The following NOD1 variants were observed in gnomAD, a reference collection of about 807,000 sequenced individuals.
NOD1 encodes nucleotide-binding oligomerization domain-containing protein 1.
A neutral mutation model predicts 81.2 loss-of-function variants in NOD1; 70 were observed. The ratio of observed to expected loss-of-function variants is 0.86; its 90% CI spans 0.71 to 1.05. NOD1 has a LOEUF of 1.05. NOD1 is among the 50% of genes least tolerant of loss of function. The pLI is 0.00. For synonymous variants in NOD1, 508 were observed against 526.9 expected (o/e 0.96, Z 0.49); for missense variants, 1,233 against 1,228.0 (o/e 1.00, Z -0.06).
chr7:30,455,970 C>T (rs995665516), intron 4 of NOD1, among the ~76,000 whole-genome samples: 28 of 152,192 alleles, frequency 1.8e-4, no homozygotes, highest in Admixed American at 1.5e-3. Flanking sequence ...GAGAACCACC[C>T]CTTGGGCATA....
At chr7:30,429,924 G>C (rs957261629) in intron 12 of NOD1, among the ~76,000 whole-genome samples, 8 of 152,216 alleles carry the variant, frequency 5.3e-5, no homozygotes, top group African/African-American at 1.9e-4. Context: ...GGGAGACTGA[G>C]GTAGGAGAAT....
intron 12 of NOD1, 85 bp from the exon 13 acceptor site, chr7:30,429,542 G>C: frequency 8.4e-7 from 1 of 1,190,406 alleles, no homozygotes; most frequent in East Asian, 2.3e-5. Flanking sequence ...GGGTGTTTTG[G>C]GATAAGAGAC....
At position 30,469,187 on chromosome 7, in the gene NOD1, T is replaced by C. The variant is rs530223774; in HGVS notation, c.-351-9146A>G. On this transcript the variant is annotated intron_variant, in intron 1 of 13. Coordinates refer to ENST00000222823, the MANE Select transcript of NOD1 (RefSeq NM_006092.4). ...TTAACCTGGAAAACAAGCCCGGTCATGTGGGCCTCTGCCATGCCAGAACAC... is the reference window on the plus strand; with the variant it reads ...TTAACCTGGAAAACAAGCCCGGTCACGTGGGCCTCTGCCATGCCAGAACAC... 3 of 985,452 alleles carry C rather than the reference T, an allele frequency of 3.0e-6. No homozygotes were observed. The East Asian group carries it at 3.4e-4, about 112-fold the overall frequency. The allele number at this position is 985,452 out of a possible 1,614,324, so 61.0% of individuals were successfully genotyped here. A position where few individuals can be genotyped will look rare whatever the true frequency, so the allele number is the denominator to read the frequency against.
Position 30,435,936 on chromosome 7 carries a change from C to T in NOD1, c.2621+62G>A, listed in dbSNP as rs142285400. On this transcript the variant is annotated intron_variant, in intron 11 of 13. Coordinates refer to ENST00000222823, the MANE Select transcript of NOD1 (RefSeq NM_006092.4). ...TCACACCAATGCACTCAAGCCTGGA[C>T]GACAAAGCAAGACCCTATCACAGAA... The T allele has an allele frequency of 5.6e-4, 778 of 1,400,456 alleles. 6 individuals are homozygous for T. The African/African-American group carries it at 9.5e-3, about 17-fold the overall frequency. 86.8% of individuals were successfully genotyped at this position (1,400,456 alleles called of 1,614,324 possible). A position where few individuals can be genotyped will look rare whatever the true frequency, so the allele number is the denominator to read the frequency against.
Position 30,451,905 on chromosome 7 carries a change from C to T in NOD1, c.1512G>A (p.Leu504=). Reference sequence around the variant, plus strand: ...AGGACTGCTGGTCACCCCCGGGGCCCAGCTCCGGCAAAGCCCGCAGGAAGC... The same window carrying T: ...AGGACTGCTGGTCACCCCCGGGGCCTAGCTCCGGCAAAGCCCGCAGGAAGC... ...QLGFLRALPE[L]GPGGDQQSYE... The change falls in exon 6 of 14, where the codon CTG becomes CTA. Residue 504 remains leucine, a synonymous_variant. Transcript: ENST00000222823. The surrounding 1 kb of genome is among the most constrained non-coding windows in gnomAD (Gnocchi z 4.2). The T allele has an allele frequency of 6.2e-7, 1 of 1,613,598 alleles. No homozygotes were observed. Among genetic ancestry groups the T allele is most frequent in the Non-Finnish European group, 8.5e-7 (1 of 1,180,002 alleles).
Position 30,452,366 on chromosome 7 carries a change from C to T in NOD1, c.1051G>A (p.Gly351Ser), listed in dbSNP as rs1318966832. 1.9e-6 allele frequency: 3 copies of T among 1,613,194 alleles called. No homozygotes were observed. Among genetic ancestry groups the T allele is most frequent in the African/African-American group, 2.7e-5 (2 of 74,932 alleles). The change falls in exon 6 of 14, where the codon GGC becomes AGC. Residue 351 changes from glycine to serine, a missense_variant. Gly to Ser is a moderately conservative substitution (Grantham distance 56). Coordinates refer to ENST00000222823, the MANE Select transcript of NOD1 (RefSeq NM_006092.4). ...GCGCGCAGGTGGCTGGGGGAGAAGC[C>T]CCGGAGAAGCACCTTCTTCCGCAGG... is the stretch of plus-strand genomic sequence containing the variant. ...QFLRKKVLLR[G>S]FSPSHLRAYA...
At chr7:30,445,942 A>AG (rs1319880784) in intron 9 of NOD1, among the ~76,000 whole-genome samples, 199 bp downstream of exon 9, 4 of 152,008 alleles carry the variant, frequency 2.6e-5, no homozygotes, top group African/African-American at 7.2e-5. Flanking sequence ...TGCAAGAGGC[A>AG]GGGGGGAGGG....
chr7:30,425,553 A>T lies in NOD1; in HGVS notation c.*85T>A. On this transcript the variant is annotated 3_prime_UTR_variant, in exon 14 of 14. Coordinates refer to ENST00000222823, the MANE Select transcript of NOD1 (RefSeq NM_006092.4). Reference sequence around the variant, plus strand: ...TAGTCCCGCCTGCGCAGGCCCCTTTAAGACACTGACACAAAAGACTGCCCA... The same window carrying T: ...TAGTCCCGCCTGCGCAGGCCCCTTTTAGACACTGACACAAAAGACTGCCCA... 1 of 978,046 alleles carries T rather than the reference A, an allele frequency of 1.0e-6. No homozygotes were observed. Among genetic ancestry groups the T allele is most frequent in the East Asian group, 2.4e-5 (1 of 42,004 alleles). 60.6% of individuals were successfully genotyped at this position (978,046 alleles called of 1,614,324 possible).
rs2128070247 is a variant in NOD1, at chr7:30,456,947, T to C, written c.-26A>G. The C allele has an allele frequency of 6.2e-7, 1 of 1,601,712 alleles. No homozygotes were observed. Among genetic ancestry groups the C allele is most frequent in the Non-Finnish European group, 8.6e-7 (1 of 1,168,724 alleles). ...AGTTAAAGTAGCAAGCGGCTACTTT[T>C]CCCAAATTCATCTTCAGCTGCGTGT... On this transcript the variant is annotated 5_prime_UTR_variant, in exon 4 of 14. Transcript: ENST00000222823.
rs1164607490 is a variant in NOD1 at position 30,435,987 on chromosome 7, C to T, written c.2621+11G>A. The T allele has an allele frequency of 4.4e-6, 7 of 1,606,064 alleles. No homozygotes were observed. The highest frequency in any genetic ancestry group is 3.3e-5 in the Admixed American group (2 of 59,978). On this transcript the variant is annotated intron_variant, in intron 11 of 13. Coordinates refer to ENST00000222823, the MANE Select transcript of NOD1 (RefSeq NM_006092.4). Reference sequence around the variant, plus strand: ...AAACAAACAAACAAATGAAATGACTCGAGCTATTACCACAGTATTTCTAGA... The same window carrying T: ...AAACAAACAAACAAATGAAATGACTTGAGCTATTACCACAGTATTTCTAGA...
chr7:30,432,994 T>C (rs1784072675), intron 12 of NOD1, 102 bp downstream of exon 12: 1 of 866,252 alleles, frequency 1.2e-6, no homozygotes, highest in Non-Finnish European at 1.8e-6. Context: ...AACCTCTGAA[T>C]TGTATACTTT....
chr7:30,477,586 C>T (rs894216203), intron 1 of NOD1, among the ~76,000 whole-genome samples: 2 of 152,178 alleles, frequency 1.3e-5, no homozygotes, highest in Non-Finnish European at 2.9e-5. Context: ...GCGATCTCGG[C>T]TCACTGCAAC....
chr7:30,436,976 A>G (rs1784431426), intron 10 of NOD1, among the ~76,000 whole-genome samples: 1 of 152,236 alleles, frequency 6.6e-6, no homozygotes, highest in South Asian at 2.1e-4. Flanking sequence ...AACCAACCCA[A>G]ATGCCCATCA....
At chr7:30,432,950 T>C (rs895215492) in intron 12 of NOD1, 146 bp downstream of exon 12, 1 of 637,840 alleles carries the variant, frequency 1.6e-6, no homozygotes, top group Non-Finnish European at 2.7e-6. Context: ...GGAGTGAAAA[T>C]GTTCTAGAAT....
At chr7:30,430,489 C>G (rs1442906876) in intron 12 of NOD1, among the ~76,000 whole-genome samples, 1 of 152,138 alleles carries the variant, frequency 6.6e-6, no homozygotes, top group Non-Finnish European at 1.5e-5. Context: ...CCTTAGAAAT[C>G]CTGGCACTGA....
intron 1 of NOD1, among the ~76,000 whole-genome samples, chr7:30,470,048 G>A (rs148102010): frequency 6.6e-6 from 1 of 152,356 alleles, no homozygotes; most frequent in Non-Finnish European, 1.5e-5. Flanking sequence ...TGTGTCCTAA[G>A]TTGATTATTT....
chr7:30,427,286 T>TAAAG (rs1783538761), intron 13 of NOD1, among the ~76,000 whole-genome samples: 2 of 152,198 alleles, frequency 1.3e-5, no homozygotes, highest in African/African-American at 4.8e-5. Flanking sequence ...TTTCTGTTCT[T>TAAAG]AAAGACAGAA....
At position 30,478,705 on chromosome 7, in the gene NOD1, C is replaced by T. The variant is rs1789053496; in HGVS notation, c.-451G>A. Reference sequence around the variant, plus strand: ...CGCCGGGGCCGGGAAGCGCCGTGGCCCGGGAGGACGCTGCTCCCGCAGTAG... The same window carrying T: ...CGCCGGGGCCGGGAAGCGCCGTGGCTCGGGAGGACGCTGCTCCCGCAGTAG... On this transcript the variant is annotated 5_prime_UTR_variant, in exon 1 of 14. Coordinates refer to ENST00000222823, the MANE Select transcript of NOD1 (RefSeq NM_006092.4). The surrounding 1 kb of genome is among the most constrained non-coding windows in gnomAD (Gnocchi z 4.1). 1 of 152,340 alleles carries T rather than the reference C, an allele frequency of 6.6e-6. No individual in the cohort carries two copies. The highest frequency in any genetic ancestry group is 6.5e-5 in the Admixed American group (1 of 15,294). 9.4% of individuals were successfully genotyped at this position (152,340 alleles called of 1,614,324 possible). A position where few individuals can be genotyped will look rare whatever the true frequency, so the allele number is the denominator to read the frequency against.
intron 1 of NOD1, among the ~76,000 whole-genome samples, chr7:30,461,201 TCTCA>T (rs1463242938): frequency 7.9e-5 from 12 of 152,320 alleles, no homozygotes; most frequent in African/African-American, 2.4e-4. Flanking sequence ...TGAGATGAAG[TCTCA>T]CTCACTCTGT....
Sources: allele counts gnomAD v4.1 joint callset (sites outside exome capture counted in the v4.1 genomes callset), GRCh38; gene constraint gnomAD v4.1.1; non-coding constraint Gnocchi (gnomAD v3.1); transcripts MANE v1.5; gene names NCBI Gene and HGNC (gene_info 2026-07-23, HGNC 2026-07-21).